Variants in UNC5C observed in about 807,000 individuals in gnomAD.
The protein encoded by UNC5C is netrin receptor UNC5C.
A neutral mutation model predicts 99.8 loss-of-function variants in UNC5C; 47 were observed. The observed-to-expected ratio is 0.47, with a 90% CI of 0.37 to 0.60. The LOEUF (loss-of-function observed/expected upper bound fraction) is 0.60, where lower values mean the gene tolerates loss of function less well. Among genes scored for constraint, UNC5C ranks in the 20% least tolerant of loss-of-function variants. The pLI is 0.00. For synonymous variants in UNC5C, 487 were observed against 452.2 expected (o/e 1.08, Z -0.98); for missense variants, 1,062 against 1,165.9 (o/e 0.91, Z 1.30).
rs1208781802 is a variant in UNC5C at position 95,448,227 on chromosome 4, T to TGA, written c.124+100505_124+100506dup. ...GTGTGTGTGTGTGTGTGTGTGTGTG[T>TGA]GAGAGAGAGAGAGAGAGAGAGAGAG... On this transcript the variant is annotated intron_variant, in intron 1 of 15. Coordinates refer to ENST00000453304, the MANE Select transcript of UNC5C (RefSeq NM_003728.4). 3.5e-3 allele frequency among the ~76,000 whole-genome samples: 351 copies of TGA among 100,136 alleles called. 3 individuals are homozygous for TGA. Among genetic ancestry groups the TGA allele is most frequent in the East Asian group, 0.028 (100 of 3,596 alleles). 65.7% of individuals were successfully genotyped at this position (100,136 alleles called of 152,430 possible).
chr4:95,465,111 G>T (rs550564727), intron 1 of UNC5C, among the ~76,000 whole-genome samples: 2 of 152,222 alleles, frequency 1.3e-5, no homozygotes, highest in Middle Eastern at 6.8e-3. Context: ...AAGGCGCATC[G>T]TTCCAAATGA....
chr4:95,482,254 A>G (rs1176897094), intron 1 of UNC5C, among the ~76,000 whole-genome samples: 2 of 151,698 alleles, frequency 1.3e-5, no homozygotes, highest in Admixed American at 6.6e-5. Context: ...AGACACATGA[A>G]AAAATGCTCA....
chr4:95,421,765 G>A (rs1461768871), intron 1 of UNC5C, among the ~76,000 whole-genome samples: 1 of 152,054 alleles, frequency 6.6e-6, no homozygotes, highest in African/African-American at 2.4e-5. Flanking sequence ...TCTTCTTACT[G>A]TGTTTTTGAG....
At chr4:95,518,412 A>AC (rs2149489440) in intron 1 of UNC5C, among the ~76,000 whole-genome samples, 1 of 152,330 alleles carries the variant, frequency 6.6e-6, no homozygotes, top group East Asian at 1.9e-4. Context: ...TAAACTCTGT[A>AC]AAACTATAAT....
At chr4:95,521,026 A>G (rs1171384960) in intron 1 of UNC5C, among the ~76,000 whole-genome samples, 3 of 152,018 alleles carry the variant, frequency 2.0e-5, no homozygotes, top group Non-Finnish European at 4.4e-5. Context: ...GGCTGCTATA[A>G]CAAATGAGCA....
chr4:95,535,050 A>G (rs1242720539), intron 1 of UNC5C, among the ~76,000 whole-genome samples: 4 of 152,156 alleles, frequency 2.6e-5, no homozygotes, highest in Non-Finnish European at 4.4e-5. Context: ...TGTACAGTGG[A>G]GAAAAGCACA....
intron 1 of UNC5C, among the ~76,000 whole-genome samples, chr4:95,465,615 T>C (rs1747748483): frequency 6.6e-6 from 1 of 152,112 alleles, no homozygotes; most frequent in Non-Finnish European, 1.5e-5. Context: ...TTGCCCATCA[T>C]TTTGGGTAAC....
chr4:95,215,897 G>T (rs1206934857), intron 10 of UNC5C: 3 of 377,228 alleles, frequency 8.0e-6, no homozygotes, highest in Non-Finnish European at 1.4e-5. Flanking sequence ...TGTCCACTTG[G>T]GAAAAGATCT....
chr4:95,472,604 T>C (rs982844072), intron 1 of UNC5C, among the ~76,000 whole-genome samples: 1 of 152,154 alleles, frequency 6.6e-6, no homozygotes. Context: ...TGAAGCCTGT[T>C]CCCTGTGCTG....
chr4:95,187,805 C>CCAT (rs1236568848), intron 12 of UNC5C, among the ~76,000 whole-genome samples: 1 of 152,168 alleles, frequency 6.6e-6, no homozygotes, highest in African/African-American at 2.4e-5. Context: ...CGCCATTTCT[C>CCAT]CATCACCCAG....
At chr4:95,412,601 G>A (rs1316843451) in intron 1 of UNC5C, among the ~76,000 whole-genome samples, 2 of 152,182 alleles carry the variant, frequency 1.3e-5, no homozygotes, top group Admixed American at 6.5e-5. Flanking sequence ...GGTATGATAT[G>A]AGAAACAGTG....
chr4:95,254,342 G>A (rs936945942), intron 4 of UNC5C, among the ~76,000 whole-genome samples: 1 of 152,042 alleles, frequency 6.6e-6, no homozygotes, highest in Admixed American at 6.6e-5. Flanking sequence ...CACATTCTAG[G>A]CCAAAGGTTT....
intron 1 of UNC5C, among the ~76,000 whole-genome samples, chr4:95,437,203 C>T (rs769013952): frequency 2.9e-4 from 44 of 151,724 alleles, no homozygotes; most frequent in Non-Finnish European, 5.2e-4. Context: ...GTGAGATTTA[C>T]ATTAGTGTAT....
At chr4:95,171,443 A>C (rs1438821781) in intron 14 of UNC5C, among the ~76,000 whole-genome samples, 11 of 135,784 alleles carry the variant, frequency 8.1e-5, no homozygotes, top group Admixed American at 2.6e-4. Flanking sequence ...TCCTGTGTCC[A>C]TGTGTTCTCA....
chr4:95,381,832 C>T lies in UNC5C; in HGVS notation c.125-46201G>A, dbSNP rs569216191. On this transcript the variant is annotated intron_variant, in intron 1 of 15. Transcript: ENST00000453304. ...TGTGGTTATTGGGATATTGAGACAG[C>T]GGAGGACTTTCATATTGGTATGATG... 1.4e-4 allele frequency among the ~76,000 whole-genome samples: 21 copies of T among 152,140 alleles called. No homozygotes were observed. In the South Asian group the frequency reaches 1.7e-3, roughly 12 times the overall value.
At chr4:95,292,026 G>A (rs1479678508) in intron 3 of UNC5C, among the ~76,000 whole-genome samples, 1 of 151,732 alleles carries the variant, frequency 6.6e-6, no homozygotes, top group East Asian at 1.9e-4. Context: ...CATCTTTCAG[G>A]ATGCTTGTTT....
chr4:95,281,806 T>G (rs939492829), intron 3 of UNC5C, among the ~76,000 whole-genome samples: 36 of 152,184 alleles, frequency 2.4e-4, no homozygotes, highest in African/African-American at 8.7e-4. Flanking sequence ...AGTATAGTAG[T>G]CTAGATCATG....
chr4:95,170,479 C>A lies in UNC5C; in HGVS notation c.2452-147G>T, dbSNP rs887571640. ...CTTAGGAAGAATGGCTTCTTCTTAG[C>A]CTGAAAGTTGTGCATCACTAGATGT... On this transcript the variant is annotated intron_variant, in intron 14 of 15. Coordinates refer to ENST00000453304, the MANE Select transcript of UNC5C (RefSeq NM_003728.4). 1.5e-5 allele frequency: 15 copies of A among 1,013,150 alleles called. No homozygotes were observed. The South Asian group carries it at 2.4e-4, about 16-fold the overall frequency. 62.8% of individuals were successfully genotyped at this position (1,013,150 alleles called of 1,614,324 possible).
At chr4:95,230,558 G>T (rs1738875379) in intron 7 of UNC5C, among the ~76,000 whole-genome samples, 1 of 151,978 alleles carries the variant, frequency 6.6e-6, no homozygotes, top group African/African-American at 2.4e-5. Flanking sequence ...TTTTCTTCTA[G>T]GGTTTTTATG....
Sources: gnomAD v4.1 joint callset for allele counts (sites outside exome capture counted in the v4.1 genomes callset) on GRCh38, gnomAD v4.1.1 for gene constraint, MANE v1.5 for transcripts, NCBI Gene and HGNC (gene_info 2026-07-23, HGNC 2026-07-21) for gene names.